Variants in CORO7 observed in about 807,000 individuals in gnomAD.
The protein encoded by CORO7 is coronin-7.
CORO7 carries 107 observed loss-of-function variants against 126.6 expected under a neutral mutation model. The observed-to-expected ratio is 0.85, with a 90% CI of 0.72 to 0.99. CORO7 has a LOEUF of 0.99. Ranked by LOEUF, CORO7 falls within the 50% of genes least tolerant of loss-of-function variation. The probability of loss-of-function intolerance (pLI) is 0.00; values close to 1 mark genes in which losing one functional copy is unlikely to be tolerated. For missense variants in CORO7, 1,314 were observed against 1,255.8 expected, an observed-to-expected ratio of 1.05 and a Z score of -0.70; for synonymous variants, 603 against 536.8, an observed-to-expected ratio of 1.12 and a Z score of -1.70.
intron 6 of CORO7, among the ~76,000 whole-genome samples, chr16:4,400,257 G>A (rs779762565): frequency 3.9e-5 from 6 of 152,164 alleles, no homozygotes; most frequent in South Asian, 2.1e-4. Context: ...CCAGCACTTC[G>A]GGAGGCTGAG....
Position 4,364,416 on chromosome 16 carries a change from G to A in CORO7, c.1138-3C>T. On this transcript the variant is annotated splice_polypyrimidine_tract_variant and splice_region_variant and intron_variant, in intron 13 of 27. Coordinates refer to ENST00000251166, the MANE Select transcript of CORO7 (RefSeq NM_024535.5). ...GGGTTGAGGCTGACCTTCTGCACCTGCATGGAGGCCGGCAGTGGGGAGATG... is the reference window on the plus strand; with the variant it reads ...GGGTTGAGGCTGACCTTCTGCACCTACATGGAGGCCGGCAGTGGGGAGATG... The A allele has an allele frequency of 6.7e-7, 1 of 1,501,160 alleles. No homozygotes were observed. The highest frequency in any genetic ancestry group is 1.4e-5 in the South Asian group (1 of 73,826). The allele number at this position is 1,501,160 out of a possible 1,614,324, so 93.0% of individuals were successfully genotyped here.
chr16:4,386,536 G>T (rs950404614), intron 9 of CORO7, among the ~76,000 whole-genome samples: 1 of 152,172 alleles, frequency 6.6e-6, no homozygotes, highest in African/African-American at 2.4e-5. Context: ...GGGGACATGG[G>T]GCCAGATCCT....
intron 9 of CORO7, 102 bp downstream of exon 9, chr16:4,387,884 C>A: frequency 6.8e-7 from 1 of 1,461,722 alleles, no homozygotes; most frequent in African/African-American, 1.4e-5. Flanking sequence ...CCAGAACACC[C>A]CGGAGATCAG....
intron 6 of CORO7, among the ~76,000 whole-genome samples, chr16:4,397,943 G>T (rs2055660379): frequency 1.3e-5 from 2 of 150,264 alleles, no homozygotes; most frequent in Admixed American, 1.3e-4. Context: ...TTGAGACAGA[G>T]TCTCGCTCTG....
chr16:4,356,488 A>T (rs544556823), intron 26 of CORO7: 3 of 152,154 alleles, frequency 2.0e-5, no homozygotes, highest in Admixed American at 2.0e-4. Flanking sequence ...GCTGGAGTAC[A>T]GTGGCACGAT....
chr16:4,364,173 G>A (rs976712847), intron 14 of CORO7, 103 bp downstream of exon 14: 4 of 1,376,534 alleles, frequency 2.9e-6, no homozygotes, highest in African/African-American at 1.5e-5. Flanking sequence ...GTGACAGAGT[G>A]AGACACTGTC....
chr16:4,374,953 A>G (rs1167767404), intron 9 of CORO7, among the ~76,000 whole-genome samples: 1 of 151,716 alleles, frequency 6.6e-6, no homozygotes, highest in Admixed American at 6.6e-5. Flanking sequence ...GGGACAGGGC[A>G]GTGAGGAGGC....
chr16:4,389,646 A>G (rs1048048679), intron 7 of CORO7, among the ~76,000 whole-genome samples: 1 of 152,112 alleles, frequency 6.6e-6, no homozygotes, highest in Non-Finnish European at 1.5e-5. Context: ...TGGCCGGCAC[A>G]GGAAGTTGGG....
chr16:4,411,139 CA>C (rs1483335827), intron 3 of CORO7, among the ~76,000 whole-genome samples: 1 of 152,180 alleles, frequency 6.6e-6, no homozygotes, highest in Non-Finnish European at 1.5e-5. Context: ...GACGGGGCCC[CA>C]AAACTTTGGG....
At chr16:4,373,712 C>A (rs1297889777) in intron 9 of CORO7, among the ~76,000 whole-genome samples, 2 of 152,132 alleles carry the variant, frequency 1.3e-5, no homozygotes, top group Non-Finnish European at 2.9e-5. Context: ...AAAATTAAGT[C>A]CTTGCCTGGG....
At chr16:4,409,708 G>A (rs984716966) in intron 3 of CORO7, among the ~76,000 whole-genome samples, 1 of 152,180 alleles carries the variant, frequency 6.6e-6, no homozygotes, top group East Asian at 1.9e-4. Flanking sequence ...CCCAGCTGCC[G>A]CCCCACAGCC....
At chr16:4,407,895 C>G (rs2056065082) in intron 4 of CORO7, among the ~76,000 whole-genome samples, 1 of 152,158 alleles carries the variant, frequency 6.6e-6, no homozygotes. Context: ...AATCTCAGCT[C>G]CTAGACCACA....
At chr16:4,358,629 C>T in intron 23 of CORO7, 146 bp from the exon 24 acceptor site, 2 of 645,602 alleles carry the variant, frequency 3.1e-6, no homozygotes, top group Non-Finnish European at 4.9e-6. Flanking sequence ...TCATGTTGAA[C>T]AACCTGCTCT....
intron 2 of CORO7, 31 bp from the exon 3 acceptor site, chr16:4,412,461 A>T (rs749306985): frequency 6.5e-5 from 105 of 1,612,412 alleles, no homozygotes; most frequent in Non-Finnish European, 8.6e-5. Context: ...CTCTGACTTC[A>T]GGCCCCACAG....
At chr16:4,396,400 G>C (rs565969744) in intron 6 of CORO7, among the ~76,000 whole-genome samples, 8 of 152,272 alleles carry the variant, frequency 5.3e-5, no homozygotes, top group Admixed American at 1.3e-4. Context: ...AGTGCAAAAA[G>C]GAAGTTGTAG....
Position 4,400,797 on chromosome 16 carries a change from CAATAAT to C in CORO7, c.564+4688_564+4693del, listed in dbSNP as rs373023916. Among the ~76,000 whole-genome samples, 57 of 139,336 alleles carry C rather than the reference CAATAAT, an allele frequency of 4.1e-4. 1 individual carries two copies. The Middle Eastern group carries it at 0.011, about 27-fold the overall frequency. 91.4% of individuals were successfully genotyped at this position (139,336 alleles called of 152,430 possible). On this transcript the variant is annotated intron_variant, in intron 6 of 27. Coordinates refer to ENST00000251166, the MANE Select transcript of CORO7 (RefSeq NM_024535.5). ...ATCGTGCCAATGCACTCCAGCAGTG[CAATAAT>C]AATAATAATAATAATAATAATAATA...
At position 4,360,463 on chromosome 16, in the gene CORO7, C is replaced by T; in HGVS notation, c.2003G>A (p.Ser668Asn). ...DGRVRVYRPR[S>N]GPEPLQEGPG... ...GCTCACCTGCAGGGGCTCAGGGCCA[C>T]TCCGGGGCCTGTAGACCCGCACACG... The change falls in exon 20 of 28, where the codon AGT becomes AAT. Residue 668 changes from serine to asparagine, a missense_variant. Coordinates refer to ENST00000251166, the MANE Select transcript of CORO7 (RefSeq NM_024535.5). 6.2e-7 allele frequency: 1 copy of T among 1,612,594 alleles called. No homozygotes were observed. Among genetic ancestry groups the T allele is most frequent in the Admixed American group, 1.7e-5 (1 of 59,940 alleles).
chr16:4,389,598 C>T (rs758717420), intron 7 of CORO7, among the ~76,000 whole-genome samples: 3 of 152,310 alleles, frequency 2.0e-5, no homozygotes, highest in Non-Finnish European at 2.9e-5. Context: ...TCCCGTCCTT[C>T]GAGGGGCTTT....
At chr16:4,364,553 G>T in intron 13 of CORO7, 44 bp downstream of exon 13, 1 of 1,534,040 alleles carries the variant, frequency 6.5e-7, no homozygotes, top group Non-Finnish European at 8.8e-7. Flanking sequence ...GGGGCTACCA[G>T]GGACTCGGGG....
Sources: allele counts gnomAD v4.1 joint callset (sites outside exome capture counted in the v4.1 genomes callset), GRCh38; gene constraint gnomAD v4.1.1; transcripts MANE v1.5; gene names NCBI Gene and HGNC (gene_info 2026-07-23, HGNC 2026-07-21).